The following EIF4G3 variants were observed in gnomAD, a reference collection of about 807,000 sequenced individuals.
EIF4G3 encodes eIF-4-gamma 3.
Under a neutral mutation model 186.4 loss-of-function variants are expected in EIF4G3, and 34 were observed. The ratio of observed to expected loss-of-function variants is 0.18; its 90% CI spans 0.14 to 0.24. The LOEUF (loss-of-function observed/expected upper bound fraction) is 0.24. Ranked by LOEUF, EIF4G3 falls within the 10% of genes least tolerant of loss-of-function variation. The pLI is 1.00. For synonymous variants in EIF4G3, 673 were observed against 679.5 expected (o/e 0.99, Z 0.15); for missense variants, 1,536 against 1,948.5 (o/e 0.79, Z 3.99).
chr1:21,061,520 T>C (rs2094911940), intron 3 of EIF4G3, among the ~76,000 whole-genome samples: 1 of 152,146 alleles, frequency 6.6e-6, no homozygotes, highest in African/African-American at 2.4e-5. Context: ...GCCAAGCAAG[T>C]AAATCTAGAG....
intron 34 of EIF4G3, 127 bp downstream of exon 34, chr1:20,817,265 A>T (rs34997349): frequency 0.047 from 14,767 of 313,138 alleles, 470 homozygotes; most frequent in African/African-American, 0.14. Flanking sequence ...AATAAATAAA[A>T]AAATAAATAA....
chr1:20,884,554 C>G (rs150342857), intron 19 of EIF4G3, among the ~76,000 whole-genome samples: 2 of 152,110 alleles, frequency 1.3e-5, no homozygotes, highest in Non-Finnish European at 2.9e-5. Flanking sequence ...GCATTTCTCA[C>G]GGAGATTGGA....
At chr1:21,057,057 C>T (rs2094593826) in intron 3 of EIF4G3, among the ~76,000 whole-genome samples, 1 of 152,128 alleles carries the variant, frequency 6.6e-6, no homozygotes, top group Non-Finnish European at 1.5e-5. Flanking sequence ...CATTCTCTTG[C>T]TGGTAGAAAT....
rs1031957454 is a variant in EIF4G3, at chr1:20,893,251, AACCT to A, written c.2253+262_2253+265del. On this transcript the variant is annotated intron_variant, in intron 18 of 36. Transcript: ENST00000602326. ...CTGGCCATGGTTGGCACTATTTTTA[AACCT>A]ATTTGCAGGTCACCTCAATTGAAAA... 46 of 268,442 alleles carry A rather than the reference AACCT, an allele frequency of 1.7e-4. 2 individuals are homozygous for A. In the East Asian group the frequency reaches 3.2e-3, roughly 19 times the overall value. 16.6% of individuals were successfully genotyped at this position (268,442 alleles called of 1,614,324 possible). A position where few individuals can be genotyped will look rare whatever the true frequency, so the allele number is the denominator to read the frequency against.
At chr1:21,056,834 A>C (rs975592835) in intron 3 of EIF4G3, among the ~76,000 whole-genome samples, 2 of 152,220 alleles carry the variant, frequency 1.3e-5, no homozygotes, top group African/African-American at 2.4e-5. Context: ...AGCTGAAAAC[A>C]GCAACTACTT....
intron 2 of EIF4G3, among the ~76,000 whole-genome samples, chr1:21,106,235 T>C (rs1423657505): frequency 6.6e-6 from 1 of 151,972 alleles, no homozygotes; most frequent in Admixed American, 6.6e-5. Context: ...AGGAGATCCA[T>C]AATAGCACTG....
chr1:21,001,360 C>T (rs1200382496), intron 5 of EIF4G3, 48 bp from the exon 6 acceptor site: 8 of 469,976 alleles, frequency 1.7e-5, no homozygotes, highest in East Asian at 6.9e-5. Context: ...TCAGGTTCTG[C>T]GCCAGTTCTA....
intron 3 of EIF4G3, among the ~76,000 whole-genome samples, chr1:21,057,024 C>T (rs535217740): frequency 2.6e-5 from 4 of 152,268 alleles, no homozygotes; most frequent in African/African-American, 9.6e-5. Context: ...GCATTGGTAA[C>T]AATGTGGGGC....
intron 13 of EIF4G3, among the ~76,000 whole-genome samples, chr1:20,945,154 A>G (rs539858719): frequency 6.6e-6 from 1 of 152,054 alleles, no homozygotes; most frequent in South Asian, 2.1e-4. Flanking sequence ...AAAAAAAAAC[A>G]CTTATTTTAT....
At chr1:21,169,184 C>T (rs898528502) in intron 2 of EIF4G3, among the ~76,000 whole-genome samples, 1 of 152,084 alleles carries the variant, frequency 6.6e-6, no homozygotes, top group Non-Finnish European at 1.5e-5. Flanking sequence ...GGCGCGGTGG[C>T]TCACACCTGT....
At chr1:21,007,594 G>A (rs189756701) in intron 4 of EIF4G3, among the ~76,000 whole-genome samples, 102 of 129,718 alleles carry the variant, frequency 7.9e-4, no homozygotes, top group African/African-American at 2.7e-3. Context: ...TAAAAAAGGT[G>A]AGATTATGTA....
intron 20 of EIF4G3, among the ~76,000 whole-genome samples, chr1:20,868,300 T>C (rs2078152143): frequency 6.6e-6 from 1 of 152,000 alleles, no homozygotes; most frequent in South Asian, 2.1e-4. Context: ...TTATTTCTCA[T>C]AGTACTGAAA....
intron 10 of EIF4G3, among the ~76,000 whole-genome samples, chr1:20,974,139 T>C (rs1315010601): frequency 6.6e-6 from 1 of 152,188 alleles, no homozygotes; most frequent in African/African-American, 2.4e-5. Context: ...TTTCGGGTGC[T>C]TACCAGATCT....
intron 10 of EIF4G3, among the ~76,000 whole-genome samples, chr1:20,977,102 A>G (rs1164540286): frequency 6.7e-6 from 1 of 149,336 alleles, no homozygotes; most frequent in East Asian, 2.0e-4. Flanking sequence ...AAAAAAAAAT[A>G]CGTATCAAAC....
chr1:20,876,606 G>C (rs996173763), intron 20 of EIF4G3, among the ~76,000 whole-genome samples: 8 of 152,074 alleles, frequency 5.3e-5, no homozygotes, highest in Non-Finnish European at 8.8e-5. Flanking sequence ...ATCTGATAGG[G>C]AAGGAAGATT....
intron 3 of EIF4G3, among the ~76,000 whole-genome samples, chr1:21,066,236 G>C (rs2095234694): frequency 6.6e-6 from 1 of 150,752 alleles, no homozygotes; most frequent in Admixed American, 6.6e-5. Context: ...TATGGCGGGA[G>C]GGGGAGGGAT....
At chr1:21,040,835 A>G (rs1489256479) in intron 4 of EIF4G3, among the ~76,000 whole-genome samples, 2 of 152,226 alleles carry the variant, frequency 1.3e-5, no homozygotes, top group African/African-American at 4.8e-5. Flanking sequence ...CTGTAAAAAC[A>G]GCTGAGTCTT....
At chr1:20,954,918 A>G (rs2096362876) in intron 12 of EIF4G3, among the ~76,000 whole-genome samples, 1 of 152,220 alleles carries the variant, frequency 6.6e-6, no homozygotes, top group African/African-American at 2.4e-5. Context: ...AGTAAGCAAC[A>G]TTCAGGTTGA....
intron 7 of EIF4G3, among the ~76,000 whole-genome samples, chr1:20,985,044 T>C (rs528264576): frequency 7.8e-4 from 119 of 152,330 alleles, no homozygotes; most frequent in African/African-American, 2.6e-3. Flanking sequence ...ATTATAGGCA[T>C]GTACTTTTAA....
Sources: gnomAD v4.1 joint callset for allele counts (sites outside exome capture counted in the v4.1 genomes callset) on GRCh38, gnomAD v4.1.1 for gene constraint, MANE v1.5 for transcripts, NCBI Gene and HGNC (gene_info 2026-07-23, HGNC 2026-07-21) for gene names.